MAGI1: variants seen among roughly 807,000 people sequenced by gnomAD.
MAGI1 encodes the protein membrane associated guanylate kinase, WW and PDZ domain containing 1.
Under a neutral mutation model 139.9 loss-of-function variants are expected in MAGI1, and 58 were observed. The observed-to-expected ratio is 0.41, with a 90% CI of 0.34 to 0.52. The LOEUF is 0.52. Ranked by LOEUF, MAGI1 falls within the 20% of genes least tolerant of loss-of-function variation. The pLI is 0.12. For missense variants in MAGI1, 1,874 were observed against 1,901.6 expected (o/e 0.99, Z 0.27); for synonymous variants, 812 against 737.9 (o/e 1.10, Z -1.63).
chr3:66,031,493 A>C (rs181609534), intron 1 of MAGI1, among the ~76,000 whole-genome samples: 285 of 152,334 alleles, frequency 1.9e-3, no homozygotes, highest in African/African-American at 6.1e-3. Flanking sequence ...CAGAAGGTCA[A>C]GTTAATCTAT....
At chr3:65,475,765 A>G (rs1172089810) in intron 4 of MAGI1, among the ~76,000 whole-genome samples, 14 of 151,848 alleles carry the variant, frequency 9.2e-5, no homozygotes, top group Non-Finnish European at 1.6e-4. Context: ...GCCTTAATCA[A>G]TGACTGCAGA....
At chr3:65,412,238 C>T (rs1945852112) in intron 12 of MAGI1, among the ~76,000 whole-genome samples, 2 of 152,150 alleles carry the variant, frequency 1.3e-5, no homozygotes, top group African/African-American at 4.8e-5. Context: ...TTTTCTCTGG[C>T]TGCTCCCTCT....
intron 12 of MAGI1, among the ~76,000 whole-genome samples, chr3:65,423,000 C>T (rs1026038989): frequency 2.0e-5 from 3 of 152,102 alleles, no homozygotes; most frequent in South Asian, 2.1e-4. Context: ...AGACCTGTTG[C>T]GAGGCCACTG....
chr3:65,389,210 T>A (rs945662051), intron 14 of MAGI1, among the ~76,000 whole-genome samples: 1 of 152,160 alleles, frequency 6.6e-6, no homozygotes, highest in South Asian at 2.1e-4. Flanking sequence ...ATGGCCACAT[T>A]ACATATTTTC....
chr3:65,430,026 C>T lies in MAGI1; in HGVS notation c.1661G>A (p.Arg554Gln), dbSNP rs776804460. 2.8e-5 allele frequency: 45 copies of T among 1,613,718 alleles called. No homozygotes were observed. The highest frequency in any genetic ancestry group is 3.6e-5 in the Non-Finnish European group (43 of 1,179,916). Residue 554 changes from arginine (R) to glutamine (Q), a missense_variant, in exon 12 of 23, where the codon CGA becomes CAA. Coordinates refer to ENST00000402939, the MANE Select transcript of MAGI1 (RefSeq NM_001033057.2). ...TGGATCAAAAGGCAATGGATAACCT[C>T]GGCAGAGTTCAAGGTCCACGCTGGC... ...IGASVDLELC[R>Q]GYPLPFDPDD... is the part of the protein sequence containing the mutation.
At chr3:65,673,056 C>T (rs1232126549) in intron 1 of MAGI1, among the ~76,000 whole-genome samples, 1 of 152,044 alleles carries the variant, frequency 6.6e-6, no homozygotes, top group Non-Finnish European at 1.5e-5. Flanking sequence ...ACATAAATGA[C>T]CGCCAGCGCC....
chr3:65,975,446 C>T (rs1159657321), intron 1 of MAGI1, among the ~76,000 whole-genome samples: 1 of 151,830 alleles, frequency 6.6e-6, no homozygotes, highest in East Asian at 1.9e-4. Flanking sequence ...GCCTTATTAC[C>T]CAAGTCTGAA....
chr3:65,453,258 C>T lies in MAGI1; in HGVS notation c.1042G>A (p.Glu348Lys). Residue 348 changes from glutamate (E) to lysine (K), a missense_variant and splice_region_variant, in exon 6 of 23, where the codon GAA becomes AAA. Physicochemically the swap from Glu to Lys is moderately conservative, Grantham distance 56 (BLOSUM62 1). Transcript: ENST00000402939. ...ACCCAAGACCTGCCTGGCCCCTTAC[C>T]ATCATCTTCACACTCTTCCAGTGGC... Reference protein sequence around the residue: ...QKPLEECEDDEGVHTEELDSE... With the variant: ...QKPLEECEDDKGVHTEELDSE... 1 of 1,613,626 alleles carries T rather than the reference C, an allele frequency of 6.2e-7. No individual in the cohort carries two copies. Among genetic ancestry groups the T allele is most frequent in the Non-Finnish European group, 8.5e-7 (1 of 1,179,854 alleles).
At chr3:65,462,353 C>T (rs2107541286) in intron 5 of MAGI1, among the ~76,000 whole-genome samples, 1 of 152,204 alleles carries the variant, frequency 6.6e-6, no homozygotes, top group East Asian at 1.9e-4. Flanking sequence ...CCAGTTTTTC[C>T]AACACCATTT....
At chr3:65,613,457 A>G (rs1236864410) in intron 2 of MAGI1, among the ~76,000 whole-genome samples, 2 of 152,172 alleles carry the variant, frequency 1.3e-5, no homozygotes, top group Non-Finnish European at 2.9e-5. Context: ...CCTTTTCTAC[A>G]TCCCTGAGAA....
At chr3:65,687,837 A>T (rs1310647704) in intron 1 of MAGI1, 5 of 609,222 alleles carry the variant, frequency 8.2e-6, no homozygotes, top group African/African-American at 1.8e-5. Context: ...TGTCATTACA[A>T]CAGTGCCACC....
chr3:65,947,426 A>G (rs980901145), intron 1 of MAGI1, among the ~76,000 whole-genome samples: 1 of 152,202 alleles, frequency 6.6e-6, no homozygotes, highest in African/African-American at 2.4e-5. Flanking sequence ...AGAATAATAC[A>G]ACATGTCTCT....
intron 22 of MAGI1, chr3:65,359,381 A>G (rs1940552179): frequency 7.6e-7 from 1 of 1,313,918 alleles, no homozygotes; most frequent in Non-Finnish European, 9.7e-7. Context: ...GACAGCCATA[A>G]GGTGACTCGA....
chr3:65,589,258 T>C (rs1252893881), intron 2 of MAGI1, among the ~76,000 whole-genome samples: 1 of 152,204 alleles, frequency 6.6e-6, no homozygotes, highest in African/African-American at 2.4e-5. Flanking sequence ...CAAGATACTA[T>C]GAAAACAGAT....
Position 66,038,322 on chromosome 3 carries a change from C to T in MAGI1, c.-14G>A, listed in dbSNP as rs1242482131. On this transcript the variant is annotated 5_prime_UTR_variant, in exon 1 of 23. Transcript: ENST00000402939. Reference sequence around the variant, plus strand: ...CACTTTGGACATGATGAGTTACACCCCTCCTCCAAAAAAATAAAACGAGAG... The same window carrying T: ...CACTTTGGACATGATGAGTTACACCTCTCCTCCAAAAAAATAAAACGAGAG... The T allele has an allele frequency of 4.6e-6, 7 of 1,529,474 alleles. No individual in the cohort carries two copies. In the South Asian group the frequency reaches 7.6e-5, roughly 17 times the overall value. The allele number at this position is 1,529,474 out of a possible 1,614,324, so 94.7% of individuals were successfully genotyped here.
At chr3:65,891,930 A>G (rs1248750738) in intron 1 of MAGI1, among the ~76,000 whole-genome samples, 1 of 101,620 alleles carries the variant, frequency 9.8e-6, no homozygotes. Flanking sequence ...ATATATATAT[A>G]TATATATATA....
intron 1 of MAGI1, among the ~76,000 whole-genome samples, chr3:65,980,021 G>GC (rs1396091019): frequency 6.6e-6 from 1 of 152,156 alleles, no homozygotes; most frequent in Non-Finnish European, 1.5e-5. Flanking sequence ...TCAGCACATG[G>GC]CCTTGTCCCT....
At chr3:65,994,437 C>G (rs1034824210) in intron 1 of MAGI1, among the ~76,000 whole-genome samples, 5 of 152,118 alleles carry the variant, frequency 3.3e-5, no homozygotes, top group African/African-American at 1.2e-4. Context: ...ATATGCTAAG[C>G]ACCCCCTGAG....
intron 1 of MAGI1, among the ~76,000 whole-genome samples, chr3:65,700,456 A>C (rs752088884): frequency 6.6e-6 from 1 of 152,082 alleles, no homozygotes; most frequent in Non-Finnish European, 1.5e-5. Context: ...TCTCAAAATA[A>C]ATAAATAAAT....
Sources: gnomAD v4.1 joint callset for allele counts (sites outside exome capture counted in the v4.1 genomes callset) on GRCh38, gnomAD v4.1.1 for gene constraint, MANE v1.5 for transcripts, NCBI Gene and HGNC (gene_info 2026-07-23, HGNC 2026-07-21) for gene names.